TBC1D5: variants seen among roughly 807,000 people sequenced by gnomAD.
The protein encoded by TBC1D5 is TBC1 domain family member 5.
Under a neutral mutation model 100.3 loss-of-function variants are expected in TBC1D5, and 75 were observed. That is an observed-to-expected ratio of 0.75 (90% confidence interval 0.62 to 0.91). TBC1D5 has a LOEUF of 0.91. Among genes scored for constraint, TBC1D5 ranks in the 40% least tolerant of loss-of-function variants. TBC1D5 has a pLI of 0.00. For missense variants in TBC1D5, 910 were observed against 942.4 expected (o/e 0.97, Z 0.45); for synonymous variants, 323 against 325.6 (o/e 0.99, Z 0.09).
intron 1 of TBC1D5, among the ~76,000 whole-genome samples, chr3:17,722,718 A>T (rs553006054): frequency 2.0e-5 from 3 of 152,262 alleles, no homozygotes; most frequent in Non-Finnish European, 4.4e-5. Context: ...GAGAAAACTA[A>T]GTCTCAGAAC....
At chr3:17,572,177 T>C (rs2096631381) in intron 2 of TBC1D5, among the ~76,000 whole-genome samples, 1 of 151,814 alleles carries the variant, frequency 6.6e-6, no homozygotes, top group South Asian at 2.1e-4. Flanking sequence ...TCTCTCTCTC[T>C]CTCACCCTCC....
intron 17 of TBC1D5, among the ~76,000 whole-genome samples, chr3:17,228,164 G>A (rs766465423): frequency 3.3e-5 from 5 of 152,116 alleles, no homozygotes; most frequent in Non-Finnish European, 7.4e-5. Context: ...TGAGGCTGTG[G>A]TGGTAGATTT....
intron 3 of TBC1D5, chr3:17,465,364 A>C (rs1209604806): frequency 5.3e-6 from 1 of 186,920 alleles, no homozygotes; most frequent in Non-Finnish European, 1.2e-5. Context: ...CAAAGGAATA[A>C]GGAATGTGCC....
chr3:17,254,909 T>C (rs2596646), intron 16 of TBC1D5, among the ~76,000 whole-genome samples: 60,001 of 151,816 alleles, frequency 0.4, 12,588 homozygotes, highest in Middle Eastern at 0.49. Flanking sequence ...GTGAGAAACA[T>C]TGTGGGCATA....
At chr3:17,596,778 T>G (rs1410886102) in intron 2 of TBC1D5, among the ~76,000 whole-genome samples, 1 of 149,970 alleles carries the variant, frequency 6.7e-6, no homozygotes, top group Admixed American at 6.6e-5. Context: ...TAACATACAC[T>G]GGTACCAAAG....
chr3:17,249,714 C>A (rs748689938), intron 16 of TBC1D5, among the ~76,000 whole-genome samples: 1 of 152,106 alleles, frequency 6.6e-6, no homozygotes. Context: ...TATAGCAACA[C>A]AAAAATGGCC....
At chr3:17,298,060 C>A (rs2082443570) in intron 14 of TBC1D5, among the ~76,000 whole-genome samples, 1 of 152,154 alleles carries the variant, frequency 6.6e-6, no homozygotes, top group Non-Finnish European at 1.5e-5. Context: ...AAGCCTGATT[C>A]ATACATTTGA....
chr3:17,440,862 G>A (rs1019643772), intron 3 of TBC1D5, among the ~76,000 whole-genome samples: 8 of 151,932 alleles, frequency 5.3e-5, no homozygotes, highest in African/African-American at 1.5e-4. Context: ...AGCGGGTCTC[G>A]GACTCCTAGC....
At chr3:17,652,390 T>C (rs1483670210) in intron 1 of TBC1D5, among the ~76,000 whole-genome samples, 1 of 152,168 alleles carries the variant, frequency 6.6e-6, no homozygotes, top group Non-Finnish European at 1.5e-5. Context: ...AAGTCTGAAA[T>C]GAAGAAATAT....
At chr3:17,288,577 A>C (rs1237386329) in intron 15 of TBC1D5, among the ~76,000 whole-genome samples, 1 of 151,794 alleles carries the variant, frequency 6.6e-6, no homozygotes, top group Non-Finnish European at 1.5e-5. Context: ...TGTTTTAGCC[A>C]TTTTTTGCAT....
chr3:17,557,941 T>C (rs1166854668), intron 2 of TBC1D5, among the ~76,000 whole-genome samples: 1 of 152,146 alleles, frequency 6.6e-6, no homozygotes, highest in Non-Finnish European at 1.5e-5. Flanking sequence ...CCCAGCACAA[T>C]CATGTTATGA....
At chr3:17,215,910 T>C (rs2073578855) in intron 17 of TBC1D5, among the ~76,000 whole-genome samples, 1 of 152,144 alleles carries the variant, frequency 6.6e-6, no homozygotes, top group Admixed American at 6.6e-5. Flanking sequence ...TCCCTGATTG[T>C]CCCTGATCTC....
At chr3:17,595,285 A>C (rs1403613264) in intron 2 of TBC1D5, among the ~76,000 whole-genome samples, 2 of 152,174 alleles carry the variant, frequency 1.3e-5, no homozygotes, top group African/African-American at 4.8e-5. Flanking sequence ...ACCCGAATAC[A>C]CTGGGTTAGA....
chr3:17,532,910 C>T (rs1478974113), intron 2 of TBC1D5, among the ~76,000 whole-genome samples: 1 of 151,666 alleles, frequency 6.6e-6, no homozygotes, highest in Admixed American at 6.6e-5. Flanking sequence ...TGGGTGCAGC[C>T]CACCAACATG....
upstream of TBC1D5, among the ~76,000 whole-genome samples, chr3:17,741,470 G>A (rs145776078): frequency 6.6e-6 from 1 of 152,320 alleles, no homozygotes; most frequent in Non-Finnish European, 1.5e-5. Context: ...AGTATTTTGT[G>A]CAAGAGCACA....
intron 16 of TBC1D5, among the ~76,000 whole-genome samples, chr3:17,255,283 C>G (rs1368458912): frequency 6.6e-6 from 1 of 152,182 alleles, no homozygotes; most frequent in Non-Finnish European, 1.5e-5. Flanking sequence ...TCACTGCAAC[C>G]TCCACCTCCT....
intron 18 of TBC1D5, among the ~76,000 whole-genome samples, chr3:17,205,618 C>T (rs1207565922): frequency 6.6e-6 from 1 of 152,184 alleles, no homozygotes; most frequent in Non-Finnish European, 1.5e-5. Context: ...CATCACATCC[C>T]CCCAACTACT....
intron 18 of TBC1D5, among the ~76,000 whole-genome samples, chr3:17,186,036 T>G (rs1174392505): frequency 6.9e-6 from 1 of 144,580 alleles, no homozygotes; most frequent in African/African-American, 2.6e-5. Context: ...TTATCGGAGT[T>G]TTTTTTTTTT....
chr3:17,184,878 A>C (rs1456866958), intron 19 of TBC1D5: 1 of 267,372 alleles, frequency 3.7e-6, no homozygotes, highest in Non-Finnish European at 7.2e-6. Flanking sequence ...TTTCCACTCG[A>C]TTTACTAATG....
Sources: allele counts gnomAD v4.1 joint callset (sites outside exome capture counted in the v4.1 genomes callset), GRCh38; gene constraint gnomAD v4.1.1; transcripts MANE v1.5; gene names NCBI Gene and HGNC (gene_info 2026-07-23, HGNC 2026-07-21).